Variants in GMIP observed in about 807,000 individuals in gnomAD.
GMIP encodes the protein GEM interacting protein, also known as GEM-interacting protein.
In GMIP, 54 loss-of-function variants were observed where a neutral mutation model predicts 105.3. That is an observed-to-expected ratio of 0.51 (90% CI 0.41 to 0.64). The LOEUF is 0.64. GMIP is among the 30% of genes least tolerant of loss of function. The pLI is 0.00. For synonymous variants in GMIP, 541 were observed against 560.8 expected (o/e 0.96, Z 0.50); for missense variants, 1,110 against 1,319.4 (o/e 0.84, Z 2.46).
rs1432057825 is a variant in GMIP at position 19,638,050 on chromosome 19, T to A, written c.797A>T (p.Glu266Val). The stretch of plus-strand genomic sequence containing the variant: ...ACAGGCCTGGTACAGCGCCTCGGCC[T>A]CCTGCGCCTGGGGAAACGGGAGGCC... The part of the protein sequence containing the change: ...SREEAQAKAQ[E>V]AEALYQACVR... Residue 266 changes from glutamate (E) to valine (V), a missense_variant, in exon 10 of 21, where the codon GAG becomes GTG. Physicochemically the swap from Glu to Val is moderately radical, Grantham distance 121 (BLOSUM62 -2). This residue lies in a region of GMIP where 667 missense variants were observed against 773.2 expected (regional missense o/e 0.86). Transcript: ENST00000203556. 2 of 1,569,002 alleles carry A rather than the reference T, an allele frequency of 1.3e-6. No homozygotes were observed. Among genetic ancestry groups the A allele is most frequent in the Non-Finnish European group, 1.7e-6 (2 of 1,159,304 alleles).
At position 19,638,323 on chromosome 19, in the gene GMIP, C is replaced by T; in HGVS notation, c.625G>A (p.Ala209Thr). The T allele has an allele frequency of 6.2e-7, 1 of 1,613,764 alleles. No homozygotes were observed. The highest frequency in any genetic ancestry group is 1.3e-5 in the African/African-American group (1 of 75,046). Residue 209 changes from alanine (A) to threonine (T), a missense_variant, in exon 9 of 21, where the codon GCG becomes ACG. Coordinates refer to ENST00000203556, the MANE Select transcript of GMIP (RefSeq NM_016573.4). ...WMKEQKRMNE[A>T]VQALRRAQLQ... ...TGGGCGCGCCGCAGTGCCTGCACCG[C>T]CTCATTCTGGGGGATGATGAGAAGG...
intron 7 of GMIP, among the ~76,000 whole-genome samples, 158 bp downstream of exon 7, chr19:19,639,927 G>A (rs919147459): frequency 6.6e-6 from 1 of 152,204 alleles, no homozygotes; most frequent in African/African-American, 2.4e-5. Flanking sequence ...CCTTGGGCAA[G>A]TTCCCAAGCA....
intron 19 of GMIP, among the ~76,000 whole-genome samples, chr19:19,631,955 T>G (rs1321972221): frequency 1.4e-5 from 2 of 142,546 alleles, no homozygotes; most frequent in African/African-American, 5.3e-5. Context: ...ACCACTGCAC[T>G]CTAGCCTGGG....
chr19:19,641,716 A>G lies in GMIP; in HGVS notation c.238+94T>C, dbSNP rs1348862820. 42 of 943,758 alleles carry G rather than the reference A, an allele frequency of 4.5e-5. 1 individual carries two copies. The Middle Eastern group carries it at 9.3e-4, about 21-fold the overall frequency. 58.5% of individuals were successfully genotyped at this position (943,758 alleles called of 1,614,324 possible). On this transcript the variant is annotated intron_variant, in intron 4 of 20. Transcript: ENST00000203556. ...TGTACTGCCATATTCCCAAAACCTA[A>G]ACGATGCCTTGCATGGAACAGGGGA...
intron 19 of GMIP, among the ~76,000 whole-genome samples, chr19:19,632,012 C>A (rs531493313): frequency 2.0e-5 from 3 of 151,412 alleles, no homozygotes; most frequent in African/African-American, 7.3e-5. Context: ...GATTCTAGGC[C>A]GGGTGCAGTG....
rs1568411952 is a variant in GMIP, at chr19:19,633,938, G to T, written c.2337C>A (p.Pro779=). ...PPQDSSPAPG[P]LTTSSQPPPP... ...GTGGCGGTTGGGAGCTGGTTGTGAGGGGCCCAGGGGCTGGGCTGGAGTCTT... is the reference window on the plus strand; with the variant it reads ...GTGGCGGTTGGGAGCTGGTTGTGAGTGGCCCAGGGGCTGGGCTGGAGTCTT... Residue 779 remains proline (P), a synonymous_variant, in exon 19 of 21, where the codon CCC becomes CCA. Transcript: ENST00000203556. 9 of 1,565,156 alleles carry T rather than the reference G, an allele frequency of 5.8e-6. No homozygotes were observed. The highest frequency in any genetic ancestry group is 7.8e-6 in the Non-Finnish European group (9 of 1,149,078).
At chr19:19,640,731 CTGTTTTT>C (rs1180987197) in intron 4 of GMIP, among the ~76,000 whole-genome samples, 160 bp from the exon 5 acceptor site, 3 of 152,062 alleles carry the variant, frequency 2.0e-5, no homozygotes, top group Non-Finnish European at 2.9e-5. Flanking sequence ...TACAGATTCA[CTGTTTTT>C]TGTTTTTTAT....
intron 4 of GMIP, among the ~76,000 whole-genome samples, chr19:19,640,819 G>A (rs2144872597): frequency 6.6e-6 from 1 of 152,286 alleles, no homozygotes; most frequent in Admixed American, 6.5e-5. Flanking sequence ...AGGCTAGAGT[G>A]CAATGGCGCG....
chr19:19,634,997 TGG>T lies in GMIP; in HGVS notation c.1749+26_1749+27del, dbSNP rs2061838430. 6.2e-7 allele frequency: 1 copy of T among 1,613,342 alleles called. No homozygotes were observed. Among genetic ancestry groups the T allele is most frequent in the East Asian group, 2.2e-5 (1 of 44,860 alleles). On this transcript the variant is annotated intron_variant, in intron 16 of 20. Coordinates refer to ENST00000203556, the MANE Select transcript of GMIP (RefSeq NM_016573.4). This position sits in a 1 kb window ranked among gnomAD's most constrained non-coding sequence, Gnocchi z 6.1. ...GCCATCGATTCGGTCAGGTCACTTC[TGG>T]GGATGATGAAGGGTCAGGGCAGCAC...
intron 19 of GMIP, among the ~76,000 whole-genome samples, chr19:19,632,318 G>A (rs539575968): frequency 1.1e-4 from 17 of 151,474 alleles, no homozygotes; most frequent in Non-Finnish European, 2.4e-4. Context: ...TTCCAACTGC[G>A]GCCGGGTGTG....
chr19:19,643,295 G>T (rs951477994), intron 1 of GMIP: 1 of 475,536 alleles, frequency 2.1e-6, no homozygotes. Context: ...TCCCCCAGGC[G>T]TCTGGGGTGA....
At chr19:19,642,756 T>C (rs974196001) in intron 1 of GMIP, 137 bp from the exon 2 acceptor site, 9 of 513,978 alleles carry the variant, frequency 1.8e-5, no homozygotes, top group East Asian at 8.9e-5. Context: ...GGGGGCTTGG[T>C]TGGGGCCAAC....
At position 19,638,315 on chromosome 19, in the gene GMIP, C is replaced by T. The variant is rs2061879955; in HGVS notation, c.633G>A (p.Gln211=). Residue 211 remains glutamine (Q), a synonymous_variant, in exon 9 of 21, where the codon CAG becomes CAA. Coordinates refer to ENST00000203556, the MANE Select transcript of GMIP (RefSeq NM_016573.4). ...KEQKRMNEAV[Q]ALRRAQLQYV... ...ACTGCAGCTGGGCGCGCCGCAGTGC[C>T]TGCACCGCCTCATTCTGGGGGATGA... 10 of 1,613,510 alleles carry T rather than the reference C, an allele frequency of 6.2e-6. No individual in the cohort carries two copies. Among genetic ancestry groups the T allele is most frequent in the African/African-American group, 1.3e-5 (1 of 74,942 alleles).
At chr19:19,638,764 A>G (rs2061885973) in intron 7 of GMIP, among the ~76,000 whole-genome samples, 1 of 151,590 alleles carries the variant, frequency 6.6e-6, no homozygotes, top group Non-Finnish European at 1.5e-5. Context: ...AGTTAATTTA[A>G]AAAACAATTT....
In GMIP at chr19:19,638,311, G is replaced by C. The variant is rs755254633; in HGVS notation, c.637C>G (p.Leu213Val). 8.7e-6 allele frequency: 14 copies of C among 1,613,372 alleles called. No homozygotes were observed. The South Asian group carries it at 1.5e-4, about 18-fold the overall frequency. ...ACATACTGCAGCTGGGCGCGCCGCAGTGCCTGCACCGCCTCATTCTGGGGG... is the reference window on the plus strand; with the variant it reads ...ACATACTGCAGCTGGGCGCGCCGCACTGCCTGCACCGCCTCATTCTGGGGG... Reference protein sequence around the residue: ...QKRMNEAVQALRRAQLQYVQR... With the variant: ...QKRMNEAVQAVRRAQLQYVQR... Residue 213 changes from leucine (L) to valine (V), a missense_variant, in exon 9 of 21, where the codon CTG becomes GTG. This residue lies in a region of GMIP where 667 missense variants were observed against 773.2 expected (regional missense o/e 0.86). Coordinates refer to ENST00000203556, the MANE Select transcript of GMIP (RefSeq NM_016573.4).
chr19:19,632,160 G>A (rs1359579155), intron 19 of GMIP, among the ~76,000 whole-genome samples: 1 of 152,040 alleles, frequency 6.6e-6, no homozygotes, highest in African/African-American at 2.4e-5. Context: ...TGGGTGTGGT[G>A]GTGCATGCCT....
chr19:19,639,102 A>T (rs977639319), intron 7 of GMIP, among the ~76,000 whole-genome samples: 3 of 151,232 alleles, frequency 2.0e-5, no homozygotes, highest in South Asian at 2.1e-4. Context: ...AAATAAATAA[A>T]TTTTTTTTGG....
At position 19,633,954 on chromosome 19, in the gene GMIP, C is replaced by A. The variant is rs141276910; in HGVS notation, c.2321G>T (p.Ser774Ile). ...GGTTGTGAGGGGCCCAGGGGCTGGG[C>A]TGGAGTCTTGGGGCGGGGGCTCAGT... ...QATEPPPQDS[S>I]PAPGPLTTSS... Residue 774 changes from serine to isoleucine, a missense_variant, in exon 19 of 21, where the codon AGC (serine) becomes ATC (isoleucine). This residue lies in a region of GMIP where 394 missense variants were observed against 450.5 expected (regional missense o/e 0.87). Transcript: ENST00000203556. 4,918 of 1,528,424 alleles carry A rather than the reference C, an allele frequency of 3.2e-3. 11 individuals carry two copies. Among genetic ancestry groups the A allele is most frequent in the Non-Finnish European group, 3.9e-3 (4,383 of 1,131,440 alleles). The allele number at this position is 1,528,424 out of a possible 1,614,324, so 94.7% of individuals were successfully genotyped here. A position where few individuals can be genotyped will look rare whatever the true frequency, so the allele number is the denominator to read the frequency against.
chr19:19,643,586 G>T lies in GMIP; in HGVS notation c.-57C>A, dbSNP rs2061949088. On this transcript the variant is annotated 5_prime_UTR_variant, in exon 1 of 21. Transcript: ENST00000203556. ...GGGATGGGGATGGGGTCGCGCGCCGGCGGGGCCGAGCCCCGATTTCCTGCC... is the reference window on the plus strand; with the variant it reads ...GGGATGGGGATGGGGTCGCGCGCCGTCGGGGCCGAGCCCCGATTTCCTGCC... 6.9e-7 allele frequency: 1 copy of T among 1,456,448 alleles called. No individual in the cohort carries two copies. The highest frequency in any genetic ancestry group is 2.7e-5 in the East Asian group (1 of 36,848). 90.2% of individuals were successfully genotyped at this position (1,456,448 alleles called of 1,614,324 possible).
Sources: gnomAD v4.1 joint callset for allele counts (sites outside exome capture counted in the v4.1 genomes callset) on GRCh38, gnomAD v4.1.1 for gene constraint, gnomAD v4.1.1 regional missense constraint, Gnocchi (gnomAD v3.1) non-coding constraint, MANE v1.5 for transcripts, NCBI Gene and HGNC (gene_info 2026-07-23, HGNC 2026-07-21) for gene names.